Variants in GTF2A1L observed in about 807,000 individuals in gnomAD.
GTF2A1L encodes the protein general transcription factor IIA subunit 1 like.
GTF2A1L carries 48 observed loss-of-function variants against 49.7 expected under a neutral mutation model. The observed-to-expected ratio is 0.97, with a 90% CI of 0.77 to 1.23. The LOEUF is 1.23. GTF2A1L is among the 50% of genes most tolerant of loss of function. GTF2A1L has a pLI of 0.00. For missense variants in GTF2A1L, 736 were observed against 564.8 expected (o/e 1.30, Z -3.07); for synonymous variants, 246 against 193.5 (o/e 1.27, Z -2.25).
chr2:48,661,247 C>CTTTTTTT lies in GTF2A1L; in HGVS notation c.979-8453_979-8447dup, dbSNP rs70946820. On this transcript the variant is annotated intron_variant, in intron 6 of 8. Coordinates refer to ENST00000403751, the MANE Select transcript of GTF2A1L (RefSeq NM_006872.5). ...CCATTGTTTTCACTGCATCCCCAAA[C>CTTTTTTT]TTTTTTTTTTTTTTTTTTTTTTTTT... 5.6e-4 allele frequency among the ~76,000 whole-genome samples: 35 copies of CTTTTTTT among 62,740 alleles called. 7 individuals carry two copies. Among genetic ancestry groups the CTTTTTTT allele is most frequent in the African/African-American group, 2.4e-3 (31 of 12,900 alleles). 41.2% of individuals were successfully genotyped at this position (62,740 alleles called of 152,430 possible). A position where few individuals can be genotyped will look rare whatever the true frequency, so the allele number is the denominator to read the frequency against.
At chr2:48,639,430 C>T (rs1225672054) in intron 3 of GTF2A1L, among the ~76,000 whole-genome samples, 4 of 152,116 alleles carry the variant, frequency 2.6e-5, no homozygotes, top group East Asian at 1.9e-4. Context: ...ACAAAGTCAA[C>T]AAAAGTAAGC....
intron 3 of GTF2A1L, among the ~76,000 whole-genome samples, chr2:48,622,706 T>A (rs1676072839): frequency 6.6e-6 from 1 of 152,044 alleles, no homozygotes; most frequent in East Asian, 1.9e-4. Flanking sequence ...TGGTGGCTCA[T>A]GCCTGTAATC....
intron 1 of GTF2A1L, 25 bp downstream of exon 1, chr2:48,617,920 T>G (rs994676943): frequency 8.4e-6 from 13 of 1,551,426 alleles, no homozygotes; most frequent in Middle Eastern, 3.3e-4. Context: ...AGGCTCTGTG[T>G]AGAGGGAGCG....
chr2:48,617,958 G>T, intron 1 of GTF2A1L, 63 bp downstream of exon 1: 1 of 1,492,818 alleles, frequency 6.7e-7, no homozygotes, highest in Non-Finnish European at 9.1e-7. Flanking sequence ...CACGGCAGCC[G>T]AACCCTGCAC....
At chr2:48,651,846 C>T (rs1383219463) in intron 6 of GTF2A1L, among the ~76,000 whole-genome samples, 2 of 152,140 alleles carry the variant, frequency 1.3e-5, no homozygotes, top group Non-Finnish European at 2.9e-5. Context: ...AAAGCCCCCT[C>T]ATAACAATTT....
intron 6 of GTF2A1L, among the ~76,000 whole-genome samples, chr2:48,655,441 T>G (rs1678117114): frequency 6.6e-6 from 1 of 152,138 alleles, no homozygotes. Flanking sequence ...TTGTCTCACT[T>G]TGGCTTCCCA....
At chr2:48,634,194 C>A (rs1322910020) in intron 3 of GTF2A1L, among the ~76,000 whole-genome samples, 1 of 152,144 alleles carries the variant, frequency 6.6e-6, no homozygotes, top group East Asian at 1.9e-4. Context: ...CTCACTGTAA[C>A]CTTCGTCTCC....
chr2:48,647,210 G>A (rs1677569519), intron 6 of GTF2A1L, 168 bp downstream of exon 6: 1 of 595,482 alleles, frequency 1.7e-6, no homozygotes, highest in Non-Finnish European at 2.7e-6. Flanking sequence ...TTTTAATTGT[G>A]ATAAAATACA....
chr2:48,671,515 T>C, intron 7 of GTF2A1L, 76 bp from the exon 8 acceptor site: 1 of 1,465,824 alleles, frequency 6.8e-7, no homozygotes, highest in South Asian at 1.4e-5. Context: ...AGTTCCTTTA[T>C]TTCTATATGT....
At chr2:48,629,340 G>A (rs1676457350) in intron 3 of GTF2A1L, among the ~76,000 whole-genome samples, 1 of 144,554 alleles carries the variant, frequency 6.9e-6, no homozygotes, top group African/African-American at 2.5e-5. Flanking sequence ...GGGAAGGCAA[G>A]GGTTTAAAAA....
chr2:48,654,953 T>C (rs1180087848), intron 6 of GTF2A1L, among the ~76,000 whole-genome samples: 1 of 152,186 alleles, frequency 6.6e-6, no homozygotes. Context: ...AATTTGTTCT[T>C]TTTTCCAAAT....
intron 6 of GTF2A1L, among the ~76,000 whole-genome samples, chr2:48,668,341 C>G (rs142849336): frequency 3.7e-4 from 56 of 152,258 alleles, no homozygotes; most frequent in African/African-American, 1.3e-3. Flanking sequence ...ATTATAGCAT[C>G]TGGAGCTTTC....
chr2:48,666,613 T>G (rs184433830), intron 6 of GTF2A1L, among the ~76,000 whole-genome samples: 23 of 88,740 alleles, frequency 2.6e-4, no homozygotes, highest in Admixed American at 2.4e-3. Context: ...GTGTGTGTGT[T>G]TGTGTGTGTG....
intron 3 of GTF2A1L, among the ~76,000 whole-genome samples, chr2:48,629,560 C>T (rs1297294241): frequency 1.4e-5 from 2 of 143,334 alleles, no homozygotes; most frequent in East Asian, 3.9e-4. Flanking sequence ...TCAAGATTAG[C>T]CCCTAGAACT....
chr2:48,650,584 A>C (rs1677792027), intron 6 of GTF2A1L, among the ~76,000 whole-genome samples: 2 of 152,320 alleles, frequency 1.3e-5, no homozygotes, highest in African/African-American at 4.8e-5. Flanking sequence ...GAATTCATTT[A>C]AATTGAGTAA....
intron 6 of GTF2A1L, among the ~76,000 whole-genome samples, chr2:48,666,960 T>C (rs544251581): frequency 1.3e-5 from 2 of 151,962 alleles, no homozygotes; most frequent in African/African-American, 4.8e-5. Context: ...TTTTTGTTGC[T>C]TTTAGTTTGT....
intron 6 of GTF2A1L, among the ~76,000 whole-genome samples, chr2:48,664,010 C>T (rs978285342): frequency 2.0e-5 from 3 of 152,082 alleles, no homozygotes; most frequent in Non-Finnish European, 4.4e-5. Context: ...CCTGTGACCT[C>T]GTTAAACCCA....
chr2:48,668,448 C>T (rs761854659), intron 6 of GTF2A1L: 1 of 152,164 alleles, frequency 6.6e-6, no homozygotes, highest in Non-Finnish European at 1.5e-5. Flanking sequence ...AGCCCCTGAT[C>T]TTAAGGAGCT....
At chr2:48,672,985 C>T (rs1253930662) in intron 8 of GTF2A1L, among the ~76,000 whole-genome samples, 1 of 152,164 alleles carries the variant, frequency 6.6e-6, no homozygotes, top group Non-Finnish European at 1.5e-5. Context: ...AACCACTGAT[C>T]TACTCTCTAT....
Sources: gnomAD v4.1 joint callset for allele counts (sites outside exome capture counted in the v4.1 genomes callset) on GRCh38, gnomAD v4.1.1 for gene constraint, MANE v1.5 for transcripts, NCBI Gene and HGNC (gene_info 2026-07-23, HGNC 2026-07-21) for gene names.